Variants in TRPC6 observed in about 807,000 individuals in gnomAD.
TRPC6 encodes the protein transient receptor potential cation channel subfamily C member 6.
Under a neutral mutation model 90.7 loss-of-function variants are expected in TRPC6, and 55 were observed. The ratio of observed to expected loss-of-function variants is 0.61; its 90% CI spans 0.49 to 0.76. The LOEUF is 0.76. TRPC6 is among the 30% of genes least tolerant of loss of function. TRPC6 has a pLI of 0.00. For synonymous variants in TRPC6, 393 were observed against 393.0 expected, an observed-to-expected ratio of 1.00 and a Z score of 0.00; for missense variants, 989 against 1,122.7, an observed-to-expected ratio of 0.88 and a Z score of 1.70.
At chr11:101,568,659 G>A (rs545283951) in intron 1 of TRPC6, among the ~76,000 whole-genome samples, 13 of 152,296 alleles carry the variant, frequency 8.5e-5, no homozygotes, top group African/African-American at 2.2e-4. Flanking sequence ...GACTAACAGC[G>A]AATCTCTTGG....
In TRPC6 at chr11:101,453,165, G is replaced by A; in HGVS notation, c.2645-59C>T. The A allele has an allele frequency of 2.7e-6, 4 of 1,509,310 alleles. No individual in the cohort carries two copies. In the South Asian group the frequency reaches 3.4e-5, roughly 13 times the overall value. 93.5% of individuals were successfully genotyped at this position (1,509,310 alleles called of 1,614,324 possible). Reference sequence around the variant, plus strand: ...AAATACGCAATGCGGAAAAACTAGTGACTGTGGGACAGGAGGAAATCAGCT... The same window carrying A: ...AAATACGCAATGCGGAAAAACTAGTAACTGTGGGACAGGAGGAAATCAGCT... On this transcript the variant is annotated intron_variant, in intron 12 of 12. Transcript: ENST00000344327.
chr11:101,515,630 C>T (rs1031052913), intron 1 of TRPC6, among the ~76,000 whole-genome samples: 36 of 152,258 alleles, frequency 2.4e-4, no homozygotes, highest in African/African-American at 7.5e-4. Context: ...AATTATTTTA[C>T]TCCATTTCAA....
At chr11:101,464,014 C>T (rs1236008212) in intron 10 of TRPC6, among the ~76,000 whole-genome samples, 4 of 152,132 alleles carry the variant, frequency 2.6e-5, no homozygotes, top group Admixed American at 1.3e-4. Context: ...TGTCTTTGTT[C>T]TCATTGGTTT....
In TRPC6 at chr11:101,452,864, G is replaced by T; in HGVS notation, c.*91C>A. 1 of 1,451,294 alleles carries T rather than the reference G, an allele frequency of 6.9e-7. No homozygotes were observed. The allele number at this position is 1,451,294 out of a possible 1,614,324, so 89.9% of individuals were successfully genotyped here. A position where few individuals can be genotyped will look rare whatever the true frequency, so the allele number is the denominator to read the frequency against. On this transcript the variant is annotated 3_prime_UTR_variant, in exon 13 of 13. Transcript: ENST00000344327. ...TTATTTAACGTTTTCTTGTTTAAAAGGTGGGCCCATTGGCACTTAAGAAAA... is the reference window on the plus strand; with the variant it reads ...TTATTTAACGTTTTCTTGTTTAAAATGTGGGCCCATTGGCACTTAAGAAAA...
chr11:101,526,934 AT>A (rs1476373195), intron 1 of TRPC6, among the ~76,000 whole-genome samples: 2 of 144,118 alleles, frequency 1.4e-5, no homozygotes, highest in African/African-American at 5.0e-5. Flanking sequence ...TAGAAAATGT[AT>A]TTTTAAAGTA....
intron 2 of TRPC6, among the ~76,000 whole-genome samples, chr11:101,499,200 C>T (rs1472917326): frequency 2.0e-5 from 3 of 151,980 alleles, no homozygotes; most frequent in African/African-American, 7.3e-5. Flanking sequence ...TAAATGATTC[C>T]TTATATTATT....
rs1388518971 is a variant in TRPC6, at chr11:101,583,859, T to TA, written c.-357dup. 8.6e-6 allele frequency: 2 copies of TA among 233,732 alleles called. No individual in the cohort carries two copies. Among genetic ancestry groups the TA allele is most frequent in the African/African-American group, 4.5e-5 (2 of 44,494 alleles). The allele number at this position is 233,732 out of a possible 1,614,324, so 14.5% of individuals were successfully genotyped here. On this transcript the variant is annotated 5_prime_UTR_variant, in exon 1 of 13. It removes the in-frame stop codon of an upstream open reading frame in the 5' UTR. Coordinates refer to ENST00000344327, the MANE Select transcript of TRPC6 (RefSeq NM_004621.6). ...AGCAAGGGAGACGGAGCTGAAGAGTTACTATGTCAACAGAGACTCTCCAGC... is the reference window on the plus strand; with the variant it reads ...AGCAAGGGAGACGGAGCTGAAGAGTTAACTATGTCAACAGAGACTCTCCAGC...
At chr11:101,466,780 ACTC>A (rs1859156226) in intron 10 of TRPC6, among the ~76,000 whole-genome samples, 1 of 151,650 alleles carries the variant, frequency 6.6e-6, no homozygotes. Context: ...AACAAAAAAA[ACTC>A]CTGCAGCTAG....
At chr11:101,474,600 A>T (rs1308194566) in intron 6 of TRPC6, among the ~76,000 whole-genome samples, 2 of 152,156 alleles carry the variant, frequency 1.3e-5, no homozygotes, top group Non-Finnish European at 2.9e-5. Flanking sequence ...ATAGCTTTGA[A>T]TTTTTTTAAT....
At chr11:101,551,982 G>T (rs1387224221) in intron 1 of TRPC6, among the ~76,000 whole-genome samples, 1 of 152,010 alleles carries the variant, frequency 6.6e-6, no homozygotes, top group Non-Finnish European at 1.5e-5. Context: ...ACAAAAATAA[G>T]AATACACTAG....
Position 101,452,872 on chromosome 11 carries a change from C to T in TRPC6, c.*83G>A. On this transcript the variant is annotated 3_prime_UTR_variant, in exon 13 of 13. Coordinates refer to ENST00000344327, the MANE Select transcript of TRPC6 (RefSeq NM_004621.6). ...CGTTTTCTTGTTTAAAAGGTGGGCC[C>T]ATTGGCACTTAAGAAAATAAATCAG... The T allele has an allele frequency of 6.6e-7, 1 of 1,514,646 alleles. No individual in the cohort carries two copies. The highest frequency in any genetic ancestry group is 9.1e-7 in the Non-Finnish European group (1 of 1,094,700). The allele number at this position is 1,514,646 out of a possible 1,614,324, so 93.8% of individuals were successfully genotyped here. A position where few individuals can be genotyped will look rare whatever the true frequency, so the allele number is the denominator to read the frequency against.
chr11:101,472,258 T>C lies in TRPC6; in HGVS notation c.2084A>G (p.Tyr695Cys), dbSNP rs201874834. 8 of 1,613,282 alleles carry C rather than the reference T, an allele frequency of 5.0e-6. No homozygotes were observed. Among genetic ancestry groups the C allele is most frequent in the South Asian group, 2.2e-5 (2 of 91,050 alleles). Residue 695 changes from tyrosine to cysteine, a missense_variant, in exon 8 of 13, where the codon TAT becomes TGT. Physicochemically the swap from Tyr to Cys is radical, Grantham distance 194 (BLOSUM62 -2). Transcript: ENST00000344327. ...AATGTTTTCAATGAATTTGTGGTTATAGTTGATGACCACTGATTTCACTTC... is the reference window on the plus strand; with the variant it reads ...AATGTTTTCAATGAATTTGTGGTTACAGTTGATGACCACTGATTTCACTTC... ...LSEVKSVVIN[Y>C]NHKFIENIGY...
At chr11:101,573,495 A>C (rs1158059846) in intron 1 of TRPC6, among the ~76,000 whole-genome samples, 1 of 152,162 alleles carries the variant, frequency 6.6e-6, no homozygotes, top group African/African-American at 2.4e-5. Flanking sequence ...GGATCAAATA[A>C]GCTAATGTAA....
At chr11:101,579,040 T>C (rs1318234992) in intron 1 of TRPC6, among the ~76,000 whole-genome samples, 1 of 152,042 alleles carries the variant, frequency 6.6e-6, no homozygotes, top group African/African-American at 2.4e-5. Context: ...TTCTGGAAAA[T>C]CCTTACCCAT....
rs532650651 is a variant in TRPC6 at position 101,476,683 on chromosome 11, T to C, written c.1511-149A>G. ...CTGCCGTCCCACCATAATTCCCATA[T>C]CCTCACAAATATCCTAGTCCAGAAA... On this transcript the variant is annotated intron_variant, in intron 5 of 12. Coordinates refer to ENST00000344327, the MANE Select transcript of TRPC6 (RefSeq NM_004621.6). The C allele has an allele frequency of 2.0e-4, 140 of 717,280 alleles. No homozygotes were observed. The East Asian group carries it at 3.6e-3, about 19-fold the overall frequency. The allele number at this position is 717,280 out of a possible 1,614,324, so 44.4% of individuals were successfully genotyped here.
intron 1 of TRPC6, among the ~76,000 whole-genome samples, chr11:101,543,187 T>C (rs1042717987): frequency 5.9e-5 from 9 of 152,016 alleles, no homozygotes; most frequent in African/African-American, 2.2e-4. Context: ...AAAGAGCTAA[T>C]AAAGAAAGAC....
intron 1 of TRPC6, among the ~76,000 whole-genome samples, chr11:101,581,215 G>A (rs1266776731): frequency 2.6e-5 from 4 of 152,150 alleles, no homozygotes; most frequent in African/African-American, 9.7e-5. Flanking sequence ...TATTTATTAA[G>A]AATAGTCCAG....
chr11:101,578,601 TAA>T (rs1464189727), intron 1 of TRPC6, among the ~76,000 whole-genome samples: 1 of 148,838 alleles, frequency 6.7e-6, no homozygotes, highest in African/African-American at 2.4e-5. Context: ...ACCCATTTTT[TAA>T]AAGTCATTTT....
At chr11:101,567,494 C>T (rs1162290287) in intron 1 of TRPC6, among the ~76,000 whole-genome samples, 1 of 152,220 alleles carries the variant, frequency 6.6e-6, no homozygotes, top group African/African-American at 2.4e-5. Flanking sequence ...GTGGATCTCC[C>T]AGCACAGTGT....
Sources: gnomAD v4.1 joint callset for allele counts (sites outside exome capture counted in the v4.1 genomes callset) on GRCh38, gnomAD v4.1.1 for gene constraint, MANE v1.5 for transcripts, NCBI Gene and HGNC (gene_info 2026-07-23, HGNC 2026-07-21) for gene names.